Variants in CPNE7 observed in about 807,000 individuals in gnomAD.
CPNE7 encodes the protein copine 7, also known as copine-7.
CPNE7 carries 78 observed loss-of-function variants against 66.5 expected under a neutral mutation model. The ratio of observed to expected loss-of-function variants is 1.17; its 90% CI spans 0.98 to 1.42. The LOEUF is 1.42. CPNE7 is among the 40% of genes most tolerant of loss of function. The pLI is 0.00. For synonymous variants in CPNE7, 468 were observed against 336.7 expected (o/e 1.39, Z -4.27); for missense variants, 1,012 against 776.6 (o/e 1.30, Z -3.60).
chr16:89,577,471 G>A (rs1182257556), intron 1 of CPNE7, 68 bp from the exon 2 acceptor site: 3 of 1,482,138 alleles, frequency 2.0e-6, no homozygotes, highest in East Asian at 2.5e-5. Flanking sequence ...GCGGCAGAGG[G>A]GAGATGGAGG....
chr16:89,583,406 G>A (rs1372424639), intron 2 of CPNE7: 1 of 1,540,658 alleles, frequency 6.5e-7, no homozygotes, highest in Non-Finnish European at 8.8e-7. Context: ...GCTGCTTCCT[G>A]GCTTCCACCT....
chr16:89,595,207 TTGTTCGTGA>T (rs2059234420), intron 13 of CPNE7, among the ~76,000 whole-genome samples, 151 bp from the exon 14 acceptor site: 1 of 152,082 alleles, frequency 6.6e-6, no homozygotes, highest in Non-Finnish European at 1.5e-5. Context: ...TGACCCACTG[TTGTTCGTGA>T]TGTTTGTGAT....
In CPNE7 at chr16:89,587,077, T is replaced by G. The variant is rs1203670588; in HGVS notation, c.902T>G (p.Met301Arg). ...GTGTACTCCTTCCTGGACTATATCA[T>G]GGGCGGCTGCCAGATCCACTTCACC... Reference protein sequence around the residue: ...HRVYSFLDYIMGGCQIHFTVA... With the variant: ...HRVYSFLDYIRGGCQIHFTVA... Residue 301 changes from methionine to arginine, a missense_variant, in exon 9 of 15, where the codon ATG becomes AGG. Met to Arg is a moderately conservative substitution (Grantham distance 91). Transcript: ENST00000319518. The G allele has an allele frequency of 6.3e-7, 1 of 1,575,860 alleles. No homozygotes were observed. Among genetic ancestry groups the G allele is most frequent in the Non-Finnish European group, 8.6e-7 (1 of 1,161,054 alleles).
In CPNE7 at chr16:89,595,364, C is replaced by T. The variant is rs376996380; in HGVS notation, c.1303-3C>T. ...GTTGCTGATGCCTTTCCTGTGCCCC[C>T]AGCAATACTACATCCTGCTGATCCT... On this transcript the variant is annotated splice_region_variant and splice_polypyrimidine_tract_variant and intron_variant, in intron 13 of 14. Transcript: ENST00000319518. The T allele has an allele frequency of 5.1e-6, 8 of 1,561,260 alleles. No homozygotes were observed. In the African/African-American group the frequency reaches 8.1e-5, roughly 16 times the overall value.
chr16:89,588,328 G>T lies in CPNE7; in HGVS notation c.928-347G>T, dbSNP rs370255555. ...GGAGAAGCCAGCAAGTGGGAAACGT[G>T]GGGGGACCCAGACCAGGCTTGGTCC... On this transcript the variant is annotated intron_variant, in intron 9 of 14. Coordinates refer to ENST00000319518, the MANE Select transcript of CPNE7 (RefSeq NM_153636.3). Among the ~76,000 whole-genome samples, 13 of 152,336 alleles carry T rather than the reference G, an allele frequency of 8.5e-5. No homozygotes were observed. In the East Asian group the frequency reaches 1.9e-3, roughly 23 times the overall value.
rs1224323316 is a variant in CPNE7, at chr16:89,591,056, A to T, written c.1166A>T (p.Glu389Val). The change falls in exon 12 of 15, where the codon GAA (glutamate) becomes GTA (valine). Residue 389 changes from glutamate (E) to valine (V), a missense_variant and splice_region_variant. By Grantham distance (121) the Glu-to-Val change is moderately radical. Transcript: ENST00000319518. ...INFNPEDDECEGIQGVVEAYQ... is the reference protein window; with the variant it reads ...INFNPEDDECVGIQGVVEAYQ... ...TTCAACCCTGAGGACGATGAGTGTG[A>T]AGGTAGGAGCTCGAGGCAGGCCTGG... is the stretch of plus-strand genomic sequence containing the variant. The T allele has an allele frequency of 3.1e-6, 5 of 1,613,606 alleles. No individual in the cohort carries two copies. In the South Asian group the frequency reaches 5.5e-5, roughly 18 times the overall value.
chr16:89,595,390 G>A lies in CPNE7; in HGVS notation c.1326G>A (p.Leu442=). 6.3e-7 allele frequency: 1 copy of A among 1,587,562 alleles called. No homozygotes were observed. Among genetic ancestry groups the A allele is most frequent in the Non-Finnish European group, 8.6e-7 (1 of 1,163,262 alleles). The change falls in exon 14 of 15, where the codon CTG becomes CTA. Residue 442 remains leucine (L), a synonymous_variant. Coordinates refer to ENST00000319518, the MANE Select transcript of CPNE7 (RefSeq NM_153636.3). The stretch of plus-strand genomic sequence containing the variant: ...AGCAATACTACATCCTGCTGATCCT[G>A]ACGGACGGCGTGGTGACCGACATGG... ...KASQYYILLI[L]TDGVVTDMAD... is the part of the protein sequence containing the mutation.
chr16:89,587,538 A>G lies in CPNE7; in HGVS notation c.927+436A>G, dbSNP rs193270055. The G allele has an allele frequency of 5.7e-5, 26 of 453,746 alleles. No homozygotes were observed. In the East Asian group the frequency reaches 1.7e-3, roughly 30 times the overall value. The allele number at this position is 453,746 out of a possible 1,614,324, so 28.1% of individuals were successfully genotyped here. A position where few individuals can be genotyped will look rare whatever the true frequency, so the allele number is the denominator to read the frequency against. ...GACATCACCAGGGCTTACCTTCCACAAACACATTTAACAACAGACAAAACG... is the reference window on the plus strand; with the variant it reads ...GACATCACCAGGGCTTACCTTCCACGAACACATTTAACAACAGACAAAACG... On this transcript the variant is annotated intron_variant, in intron 9 of 14. Coordinates refer to ENST00000319518, the MANE Select transcript of CPNE7 (RefSeq NM_153636.3).
Position 89,587,104 on chromosome 16 carries a change from T to C in CPNE7, c.927+2T>C, listed in dbSNP as rs1226270483. ...GGCGGCTGCCAGATCCACTTCACCG[T>C]GAGTCCATGGCCCCGCCCCATGCCG... is the stretch of plus-strand genomic sequence containing the variant. On this transcript the variant is annotated splice_donor_variant, in intron 9 of 14. Coordinates refer to ENST00000319518, the MANE Select transcript of CPNE7 (RefSeq NM_153636.3). LOFTEE classifies it high-confidence loss of function. The C allele has an allele frequency of 6.4e-7, 1 of 1,551,364 alleles. No homozygotes were observed. The highest frequency in any genetic ancestry group is 8.7e-7 in the Non-Finnish European group (1 of 1,148,168).
At position 89,583,551 on chromosome 16, in the gene CPNE7, G is replaced by C. The variant is rs1186515360; in HGVS notation, c.358-146G>C. 3.2e-6 allele frequency: 5 copies of C among 1,585,380 alleles called. No individual in the cohort carries two copies. In the East Asian group the frequency reaches 1.2e-4, roughly 37 times the overall value. The stretch of plus-strand genomic sequence containing the variant: ...CAGGTGCTTGAGAGCAGCCACAAAG[G>C]GGGCGCGGGCCCTGGGCAGTGAAGC... On this transcript the variant is annotated intron_variant, in intron 2 of 14. Transcript: ENST00000319518.
chr16:89,585,771 T>C lies in CPNE7; in HGVS notation c.766T>C (p.Phe256Leu). ...STTFEEMQKA[F>L]EEGQAQWDCV... ...CACCTTCGAGGAGATGCAGAAGGCC[T>C]TTGAGGAGGGGCAGGTGAGCAGGAC... The change falls in exon 7 of 15, where the codon TTT (phenylalanine) becomes CTT (leucine). Residue 256 changes from phenylalanine to leucine, a missense_variant. Coordinates refer to ENST00000319518, the MANE Select transcript of CPNE7 (RefSeq NM_153636.3). 3.4e-6 allele frequency: 5 copies of C among 1,468,824 alleles called. No individual in the cohort carries two copies. The highest frequency in any genetic ancestry group is 4.5e-6 in the Non-Finnish European group (5 of 1,101,658). 91.0% of individuals were successfully genotyped at this position (1,468,824 alleles called of 1,614,324 possible).
intron 9 of CPNE7, among the ~76,000 whole-genome samples, chr16:89,588,115 C>T (rs537621806): frequency 1.2e-4 from 7 of 58,602 alleles, no homozygotes; most frequent in Admixed American, 2.0e-4. Flanking sequence ...CACAGATACA[C>T]GGCCCCCGTG....
intron 13 of CPNE7, among the ~76,000 whole-genome samples, chr16:89,593,405 T>C (rs1444368584): frequency 1.3e-5 from 2 of 151,254 alleles, no homozygotes; most frequent in Non-Finnish European, 1.5e-5. Flanking sequence ...CAGGCTGGAG[T>C]GCAGTGGCGC....
In CPNE7 at chr16:89,595,554, C is replaced by T. The variant is rs750206854; in HGVS notation, c.1490C>T (p.Pro497Leu). 8 of 1,611,962 alleles carry T rather than the reference C, an allele frequency of 5.0e-6. No individual in the cohort carries two copies. The highest frequency in any genetic ancestry group is 6.8e-6 in the Non-Finnish European group (8 of 1,179,448). Residue 497 changes from proline (P) to leucine (L), a missense_variant, in exon 14 of 15, where the codon CCC becomes CTC. Coordinates refer to ENST00000319518, the MANE Select transcript of CPNE7 (RefSeq NM_153636.3). Reference protein sequence around the residue: ...DGVLRSPRGEPALRDIVQFVP... With the variant: ...DGVLRSPRGELALRDIVQFVP... Reference sequence around the variant, plus strand: ...GTCCTGCGCTCCCCACGGGGTGAGCCCGCGCTCCGGGACATCGTACAGTTC... The same window carrying T: ...GTCCTGCGCTCCCCACGGGGTGAGCTCGCGCTCCGGGACATCGTACAGTTC...
intron 9 of CPNE7, chr16:89,587,795 C>CGCGTGTT (rs2059091163): frequency 2.8e-5 from 2 of 72,598 alleles, no homozygotes; most frequent in African/African-American, 1.2e-4. Context: ...CCGTGTCACC[C>CGCGTGTT]ACAGATACAC....
chr16:89,586,602 G>A, intron 7 of CPNE7, 68 bp from the exon 8 acceptor site: 7 of 1,323,724 alleles, frequency 5.3e-6, no homozygotes, highest in South Asian at 1.2e-5. Flanking sequence ...GGATGGTCTT[G>A]GGTAGGGTCT....
At chr16:89,580,324 CTCACCCGTCACACGGAACATCCCA>C (rs1254489934) in intron 2 of CPNE7, among the ~76,000 whole-genome samples, 2 of 141,466 alleles carry the variant, frequency 1.4e-5, no homozygotes, top group East Asian at 2.2e-4. Context: ...CACAGAACAT[CTCACCCGTCACACGGAACATCCCA>C]TCACCCGTCA....
intron 14 of CPNE7, 120 bp from the exon 15 acceptor site, chr16:89,596,364 T>C (rs1318063905): frequency 1.5e-6 from 2 of 1,359,108 alleles, no homozygotes; most frequent in East Asian, 4.8e-5. Context: ...GAGCCTCTGG[T>C]GGGGGTGGGT....
chr16:89,588,534 A>T, intron 9 of CPNE7, 141 bp from the exon 10 acceptor site: 2 of 1,002,248 alleles, frequency 2.0e-6, no homozygotes, highest in East Asian at 2.6e-5. Flanking sequence ...GGTCAGCCCC[A>T]ACAGCAGCCC....
Sources: allele counts gnomAD v4.1 joint callset (sites outside exome capture counted in the v4.1 genomes callset), GRCh38; gene constraint gnomAD v4.1.1; transcripts MANE v1.5; gene names NCBI Gene and HGNC (gene_info 2026-07-23, HGNC 2026-07-21).